Variants in MYH10 observed in about 807,000 individuals in gnomAD.
The protein encoded by MYH10 is myosin-10.
Under a neutral mutation model 257.8 loss-of-function variants are expected in MYH10, and 55 were observed. That is an observed-to-expected ratio of 0.21 (90% CI 0.17 to 0.27). MYH10 has a LOEUF of 0.27. Ranked by LOEUF, MYH10 falls within the 10% of genes least tolerant of loss-of-function variation. The pLI, the probability that MYH10 is intolerant of heterozygous loss-of-function variation, is 1.00. For synonymous variants in MYH10, 854 were observed against 921.7 expected, an observed-to-expected ratio of 0.93 and a Z score of 1.33; for missense variants, 1,631 against 2,500.6, an observed-to-expected ratio of 0.65 and a Z score of 7.42.
chr17:8,483,604 G>A (rs1464840801), intron 37 of MYH10, among the ~76,000 whole-genome samples: 3 of 152,116 alleles, frequency 2.0e-5, no homozygotes, highest in Non-Finnish European at 2.9e-5. Flanking sequence ...TCATTTATAC[G>A]GTAATGTGTA....
chr17:8,489,745 A>ACACACACACACACCCC (rs1258993754), intron 35 of MYH10, among the ~76,000 whole-genome samples: 2 of 150,798 alleles, frequency 1.3e-5, no homozygotes, highest in African/African-American at 4.9e-5. Context: ...ACACACACAC[A>ACACACACACACACCCC]CCCCAAATCC....
chr17:8,481,568 T>G, intron 37 of MYH10, 158 bp from the exon 38 acceptor site: 1 of 635,938 alleles, frequency 1.6e-6, no homozygotes, highest in Non-Finnish European at 2.7e-6. Flanking sequence ...CAAGAAAATC[T>G]GCTCGGTGCA....
At chr17:8,493,527 T>C (rs553770046) in intron 32 of MYH10, among the ~76,000 whole-genome samples, 5 of 152,348 alleles carry the variant, frequency 3.3e-5, no homozygotes, top group Non-Finnish European at 4.4e-5. Context: ...TCTTACATCG[T>C]TGACACAGTC....
chr17:8,566,334 G>A (rs1001392985), intron 7 of MYH10, among the ~76,000 whole-genome samples: 2 of 152,130 alleles, frequency 1.3e-5, no homozygotes, highest in African/African-American at 4.8e-5. Flanking sequence ...ACAGTATCAG[G>A]GTTGGTTTGT....
intron 28 of MYH10, among the ~76,000 whole-genome samples, chr17:8,501,579 G>A (rs2080897943): frequency 6.6e-6 from 1 of 152,206 alleles, no homozygotes; most frequent in East Asian, 1.9e-4. Context: ...TAGCGTCCAT[G>A]TGAAGAAGCC....
chr17:8,493,657 A>T, intron 32 of MYH10, 76 bp downstream of exon 32: 1 of 1,478,236 alleles, frequency 6.8e-7, no homozygotes, highest in South Asian at 1.3e-5. Context: ...GAGCTGAGAC[A>T]GCCCAGCACA....
chr17:8,600,586 C>T (rs751798058), intron 3 of MYH10, among the ~76,000 whole-genome samples: 1 of 152,170 alleles, frequency 6.6e-6, no homozygotes, highest in Non-Finnish European at 1.5e-5. Context: ...AGGGACTTGA[C>T]TGTTCATTAA....
At chr17:8,624,518 G>A (rs952418894) in intron 1 of MYH10, among the ~76,000 whole-genome samples, 27 of 151,998 alleles carry the variant, frequency 1.8e-4, no homozygotes, top group African/African-American at 6.3e-4. Flanking sequence ...TCTCCCCTCT[G>A]TTCACTCCAC....
At position 8,623,122 on chromosome 17, in the gene MYH10, C is replaced by T. The variant is rs777663259; in HGVS notation, c.125G>A (p.Arg42His). The change falls in exon 2 of 43, where the codon CGC becomes CAC. Residue 42 changes from arginine (R) to histidine (H), a missense_variant. Around this residue, in one of 11 missense-constraint regions of MYH10, gnomAD observed 360 missense variants for 581.9 expected, o/e 0.62. Transcript: ENST00000360416. ...GATACTAGCTGCCTCAAAACCATGG[C>T]GTTCTGATGGAATCCACACTAGCTT... Reference protein sequence around the residue: ...AKKLVWIPSERHGFEAASIKE... With the variant: ...AKKLVWIPSEHHGFEAASIKE... 2.5e-6 allele frequency: 4 copies of T among 1,613,868 alleles called. No individual in the cohort carries two copies. Among genetic ancestry groups the T allele is most frequent in the African/African-American group, 1.3e-5 (1 of 74,868 alleles).
At chr17:8,533,124 C>T (rs530203429) in intron 16 of MYH10, among the ~76,000 whole-genome samples, 56 of 152,288 alleles carry the variant, frequency 3.7e-4, no homozygotes, top group Non-Finnish European at 6.2e-4. Flanking sequence ...CTGTCATCTT[C>T]AGTCGCCCCA....
At chr17:8,589,154 G>T in intron 3 of MYH10, 46 bp from the exon 4 acceptor site, 13 of 1,591,256 alleles carry the variant, frequency 8.2e-6, no homozygotes, top group Non-Finnish European at 7.7e-6. Context: ...GTGACCATTT[G>T]CCTGGTTTTA....
At chr17:8,589,177 T>C (rs1157781190) in intron 3 of MYH10, 69 bp from the exon 4 acceptor site, 15 of 1,532,398 alleles carry the variant, frequency 9.8e-6, no homozygotes, top group Non-Finnish European at 1.3e-5. Flanking sequence ...ATATTTGATA[T>C]AATAAAGTTG....
chr17:8,500,398 T>G (rs1917337417), intron 29 of MYH10, among the ~76,000 whole-genome samples: 1 of 151,874 alleles, frequency 6.6e-6, no homozygotes, highest in African/African-American at 2.4e-5. Flanking sequence ...GTGGCTGAGG[T>G]GAGATCACAG....
In MYH10 at chr17:8,521,145, G is replaced by C; in HGVS notation, c.2098C>G (p.Arg700Gly). 6.2e-7 allele frequency: 1 copy of C among 1,614,214 alleles called. No homozygotes were observed. Among genetic ancestry groups the C allele is most frequent in the Non-Finnish European group, 8.5e-7 (1 of 1,180,044 alleles). ...CGAACAAAGTTAGGGTTGGTGTTTC[G>C]GAGAGTTGCCATCAGCTTGGTGAGA... is the stretch of plus-strand genomic sequence containing the variant. ...ESLTKLMATL[R>G]NTNPNFVRCI... The change falls in exon 18 of 43, where the codon CGA (arginine) becomes GGA (glycine). Residue 700 changes from arginine (R) to glycine (G), a missense_variant. Arg to Gly is a moderately radical substitution (Grantham distance 125). Around this residue, in one of 11 missense-constraint regions of MYH10, gnomAD observed 96 missense variants for 146.2 expected, o/e 0.66. Transcript: ENST00000360416.
In MYH10 at chr17:8,535,629, A is replaced by G. The variant is rs2082120613; in HGVS notation, c.1780-128T>C. ...CCCAAAATGGGCTGTCTGAAAGACA[A>G]TATGTTTGTAATATATACTGTATTT... On this transcript the variant is annotated intron_variant, in intron 15 of 42. Coordinates refer to ENST00000360416, the MANE Select transcript of MYH10 (RefSeq NM_001256012.3). This position sits in a 1 kb window ranked among gnomAD's most constrained non-coding sequence, Gnocchi z 4.3. 6 of 1,230,702 alleles carry G rather than the reference A, an allele frequency of 4.9e-6. No homozygotes were observed. The highest frequency in any genetic ancestry group is 6.9e-6 in the Non-Finnish European group (6 of 874,496). 76.2% of individuals were successfully genotyped at this position (1,230,702 alleles called of 1,614,324 possible). A position where few individuals can be genotyped will look rare whatever the true frequency, so the allele number is the denominator to read the frequency against.
At chr17:8,498,275 C>T (rs1916974462) in intron 30 of MYH10, among the ~76,000 whole-genome samples, 1 of 151,948 alleles carries the variant, frequency 6.6e-6, no homozygotes, top group Non-Finnish European at 1.5e-5. Flanking sequence ...TGTGAGCTAC[C>T]ACGCCCGGCC....
rs562174128 is a variant in MYH10, at chr17:8,515,533, C to CTTTTTTT, written c.2505-1646_2505-1640dup. 1.6e-4 allele frequency among the ~76,000 whole-genome samples: 14 copies of CTTTTTTT among 86,896 alleles called. 2 individuals are homozygous for CTTTTTTT. The highest frequency in any genetic ancestry group is 2.3e-4 in the Non-Finnish European group (11 of 48,066). The allele number at this position is 86,896 out of a possible 152,430, so 57.0% of individuals were successfully genotyped here. ...ACCAGCCAAAAAGAATTAGCCAAGT[C>CTTTTTTT]TTTTTTTTTTTTTTTTTTTTTTTTT... is the stretch of plus-strand genomic sequence containing the variant. On this transcript the variant is annotated intron_variant, in intron 21 of 42. Coordinates refer to ENST00000360416, the MANE Select transcript of MYH10 (RefSeq NM_001256012.3).
At chr17:8,532,124 C>T (rs1387582182) in intron 16 of MYH10, among the ~76,000 whole-genome samples, 2 of 152,230 alleles carry the variant, frequency 1.3e-5, no homozygotes, top group Non-Finnish European at 2.9e-5. Flanking sequence ...AGCTGAAGAG[C>T]GACAGCACCT....
At position 8,518,732 on chromosome 17, in the gene MYH10, G is replaced by C. The variant is rs1431116477; in HGVS notation, c.2403C>G (p.Phe801Leu). The C allele has an allele frequency of 6.2e-7, 1 of 1,613,912 alleles. No individual in the cohort carries two copies. Among genetic ancestry groups the C allele is most frequent in the East Asian group, 2.2e-5 (1 of 44,898 alleles). ...LYRIGQSKIF[F>L]RAGVLAHLEE... ...CTAAGTGTGCCAGAACTCCAGCTCT[G>C]AAAAATATCTTGCTCTGTCCAATTC... The change falls in exon 21 of 43, where the codon TTC becomes TTG. Residue 801 changes from phenylalanine (F) to leucine (L), a missense_variant. Transcript: ENST00000360416.
Sources: allele counts gnomAD v4.1 joint callset (sites outside exome capture counted in the v4.1 genomes callset), GRCh38; gene constraint gnomAD v4.1.1; regional missense constraint gnomAD v4.1.1; non-coding constraint Gnocchi (gnomAD v3.1); transcripts MANE v1.5; gene names NCBI Gene and HGNC (gene_info 2026-07-23, HGNC 2026-07-21).